Variants in NFASC observed in about 807,000 individuals in gnomAD.
NFASC encodes the protein neurofascin.
A neutral mutation model predicts 147.5 loss-of-function variants in NFASC; 43 were observed. The observed-to-expected ratio is 0.29, with a 90% confidence interval of 0.23 to 0.38. The LOEUF is 0.38. Among genes scored for constraint, NFASC ranks in the 10% least tolerant of loss-of-function variants. The pLI is 1.00. For missense variants in NFASC, 1,320 were observed against 1,689.0 expected (o/e 0.78, Z 3.83); for synonymous variants, 622 against 665.5 (o/e 0.93, Z 1.01).
At chr1:204,872,661 G>T (rs527747019) in intron 1 of NFASC, among the ~76,000 whole-genome samples, 18 of 152,280 alleles carry the variant, frequency 1.2e-4, no homozygotes, top group African/African-American at 4.1e-4. Context: ...GAAGATGAGG[G>T]CCTTCATCAT....
Position 204,986,129 on chromosome 1 carries a change from C to T in NFASC, c.2471-1289C>T. The T allele has an allele frequency of 6.3e-7, 1 of 1,595,932 alleles. No individual in the cohort carries two copies. Among genetic ancestry groups the T allele is most frequent in the Non-Finnish European group, 8.6e-7 (1 of 1,163,516 alleles). ...CCCGGAAGGAGGTAGGTCTGGCCTG[C>T]AGCTCTTCAGGGTGGGGCAGGAGAA... On this transcript the variant is annotated intron_variant, in intron 21 of 29. Transcript: ENST00000339876. The surrounding 1 kb of genome is among the most constrained non-coding windows in gnomAD (Gnocchi z 4.2).
chr1:204,888,876 C>T (rs1439547534), intron 1 of NFASC, among the ~76,000 whole-genome samples: 2 of 152,176 alleles, frequency 1.3e-5, no homozygotes, highest in African/African-American at 2.4e-5. Context: ...TGGGGATCCA[C>T]CAACTCTAGG....
intron 2 of NFASC, among the ~76,000 whole-genome samples, chr1:204,922,331 G>C (rs1195411023): frequency 6.6e-6 from 1 of 152,176 alleles, no homozygotes; most frequent in East Asian, 1.9e-4. Context: ...CTCACTGTCC[G>C]ACAGCAGATA....
chr1:204,986,106 C>T lies in NFASC; in HGVS notation c.2471-1312C>T, dbSNP rs201688436. 5.8e-4 allele frequency: 930 copies of T among 1,613,128 alleles called. 10 individuals are homozygous for T. The highest frequency in any genetic ancestry group is 1.8e-4 in the South Asian group (16 of 91,062). ...AGTGAGACCAAGGAGTTCACCACCCCGGAAGGAGGTAGGTCTGGCCTGCAG... is the reference window on the plus strand; with the variant it reads ...AGTGAGACCAAGGAGTTCACCACCCTGGAAGGAGGTAGGTCTGGCCTGCAG... On this transcript the variant is annotated intron_variant, in intron 21 of 29. Coordinates refer to ENST00000339876, the MANE Select transcript of NFASC (RefSeq NM_001005388.3). The surrounding 1 kb of genome is among the most constrained non-coding windows in gnomAD (Gnocchi z 4.2).
chr1:204,934,287 G>A (rs1360991027), intron 2 of NFASC, among the ~76,000 whole-genome samples: 1 of 152,124 alleles, frequency 6.6e-6, no homozygotes, highest in Non-Finnish European at 1.5e-5. Flanking sequence ...GGTCCAGGTA[G>A]AGGTGGGCAG....
Position 204,979,487 on chromosome 1 carries a change from G to A in NFASC, c.2104G>A (p.Val702Ile), listed in dbSNP as rs1236463531. Reference protein sequence around the residue: ...LSPYVNYQFRVIAINEVGSSH... With the variant: ...LSPYVNYQFRIIAINEVGSSH... ...CCCGTATGTCAACTACCAGTTCCGT[G>A]TCATTGCCATCAACGAGGTTGGGAG... Residue 702 changes from valine to isoleucine, a missense_variant, in exon 19 of 30, where the codon GTC becomes ATC. Around this residue, in one of 3 missense-constraint regions of NFASC, gnomAD observed 981 missense variants for 1,289.5 expected, o/e 0.76. Transcript: ENST00000339876. This position sits in a 1 kb window ranked among gnomAD's most constrained non-coding sequence, Gnocchi z 6.0. 1 of 1,613,780 alleles carries A rather than the reference G, an allele frequency of 6.2e-7. No individual in the cohort carries two copies. Among genetic ancestry groups the A allele is most frequent in the African/African-American group, 1.3e-5 (1 of 74,882 alleles).
intron 23 of NFASC, chr1:204,990,593 A>C (rs2095708714): frequency 6.6e-6 from 1 of 152,046 alleles, no homozygotes; most frequent in African/African-American, 2.4e-5. Flanking sequence ...AAAGAAAGAA[A>C]AAAGAAAGGG....
At chr1:204,951,881 G>A (rs544622561) in intron 4 of NFASC, 130 bp from the exon 5 acceptor site, 191 of 651,820 alleles carry the variant, frequency 2.9e-4, no homozygotes, top group African/African-American at 2.5e-3. Context: ...CCTGTTCACC[G>A]CCCCCCACAC....
At chr1:204,848,650 C>T (rs2075386434) in intron 1 of NFASC, among the ~76,000 whole-genome samples, 1 of 152,112 alleles carries the variant, frequency 6.6e-6, no homozygotes, top group Non-Finnish European at 1.5e-5. Flanking sequence ...TCAAAAAACC[C>T]CAGTTGCTTG....
chr1:204,996,945 A>G (rs1263089736), intron 24 of NFASC, among the ~76,000 whole-genome samples: 1 of 152,068 alleles, frequency 6.6e-6, no homozygotes, highest in African/African-American at 2.4e-5. Context: ...CACGCAGACC[A>G]TGAGAAGAAA....
intron 1 of NFASC, among the ~76,000 whole-genome samples, chr1:204,835,014 G>A (rs750159308): frequency 6.6e-6 from 1 of 152,060 alleles, no homozygotes; most frequent in Non-Finnish European, 1.5e-5. Context: ...TTGGGTCAGC[G>A]TTACCACATC....
intron 8 of NFASC, among the ~76,000 whole-genome samples, chr1:204,964,923 G>A (rs989475808): frequency 1.3e-4 from 20 of 152,170 alleles, no homozygotes; most frequent in African/African-American, 4.1e-4. Flanking sequence ...GGCATTTATC[G>A]TTGGACCTTT....
At position 205,021,705 on chromosome 1, in the gene NFASC, G is replaced by GT. The variant is rs2151158641; in HGVS notation, c.*5168dup. The GT allele has an allele frequency of 6.5e-6, 1 of 153,460 alleles. No individual in the cohort carries two copies. Among genetic ancestry groups the GT allele is most frequent in the East Asian group, 1.9e-4 (1 of 5,178 alleles). 9.5% of individuals were successfully genotyped at this position (153,460 alleles called of 1,614,324 possible). ...AGAGGTATTAAGATCTGTCCTTCTG[G>GT]TTCACCCTCTCATACCTCTTTACTG... On this transcript the variant is annotated 3_prime_UTR_variant, in exon 30 of 30. Coordinates refer to ENST00000339876, the MANE Select transcript of NFASC (RefSeq NM_001005388.3).
chr1:204,953,685 C>A (rs1010457194), intron 5 of NFASC, among the ~76,000 whole-genome samples: 3 of 152,140 alleles, frequency 2.0e-5, no homozygotes, highest in African/African-American at 7.2e-5. Context: ...AGCCGTTTCA[C>A]TTTGGCTTTA....
In NFASC at chr1:204,987,383, C is replaced by CCCTCATCTCCCCTGCTCTCTCCT. The variant is rs1301631937; in HGVS notation, c.2471-31_2471-9dup. 6.9e-6 allele frequency: 11 copies of CCCTCATCTCCCCTGCTCTCTCCT among 1,601,906 alleles called. No individual in the cohort carries two copies. In the African/African-American group the frequency reaches 8.0e-5, roughly 12 times the overall value. ...TTTCCTCATCCTCCCTGCCCCCTCCCCCTCATCTCCCCTGCTCTCTCCTCC... is the reference window on the plus strand; with the variant it reads ...TTTCCTCATCCTCCCTGCCCCCTCCCCCTCATCTCCCCTGCTCTCTCCTCCTCATCTCCCCTGCTCTCTCCTCC... On this transcript the variant is annotated intron_variant, in intron 21 of 29. Transcript: ENST00000339876. The surrounding 1 kb of genome is among the most constrained non-coding windows in gnomAD (Gnocchi z 4.4).
At chr1:204,895,844 C>A (rs1410529680) in intron 1 of NFASC, among the ~76,000 whole-genome samples, 1 of 152,118 alleles carries the variant, frequency 6.6e-6, no homozygotes, top group Non-Finnish European at 1.5e-5. Flanking sequence ...TGTTCCCAAC[C>A]CCCTTTATGT....
At chr1:204,888,331 T>C (rs2081717776) in intron 1 of NFASC, among the ~76,000 whole-genome samples, 1 of 152,202 alleles carries the variant, frequency 6.6e-6, no homozygotes, top group Middle Eastern at 3.2e-3. Flanking sequence ...TCGAATTAGC[T>C]TTTATTTGTG....
chr1:204,846,359 C>T (rs972514565), intron 1 of NFASC, among the ~76,000 whole-genome samples: 5 of 152,132 alleles, frequency 3.3e-5, no homozygotes, highest in South Asian at 2.1e-4. Context: ...TCCTTATACC[C>T]TTGTTCCACC....
chr1:204,954,765 C>G lies in NFASC; in HGVS notation c.413-64C>G. 1 of 1,589,218 alleles carries G rather than the reference C, an allele frequency of 6.3e-7. No homozygotes were observed. The highest frequency in any genetic ancestry group is 8.6e-7 in the Non-Finnish European group (1 of 1,161,296). ...TCCTCCTTGCATGCCTGCCTCTGAC[C>G]CTGCTCCTTGCCCCGGGCCCAGCCA... On this transcript the variant is annotated intron_variant, in intron 6 of 29. Transcript: ENST00000339876. The surrounding 1 kb of genome is among the most constrained non-coding windows in gnomAD (Gnocchi z 5.7).
Sources: allele counts gnomAD v4.1 joint callset (sites outside exome capture counted in the v4.1 genomes callset), GRCh38; gene constraint gnomAD v4.1.1; regional missense constraint gnomAD v4.1.1; non-coding constraint Gnocchi (gnomAD v3.1); transcripts MANE v1.5; gene names NCBI Gene and HGNC (gene_info 2026-07-23, HGNC 2026-07-21).